Variants in ASTN1 observed in about 807,000 individuals in gnomAD.
ASTN1 encodes the protein astrotactin-1.
Under a neutral mutation model 140.7 loss-of-function variants are expected in ASTN1, and 41 were observed. The ratio of observed to expected loss-of-function variants is 0.29; its 90% CI spans 0.23 to 0.38. ASTN1 has a LOEUF of 0.38. Among genes scored for constraint, ASTN1 ranks in the 10% least tolerant of loss-of-function variants. The pLI, the probability that ASTN1 is intolerant of heterozygous loss-of-function variation, is 1.00. For synonymous variants in ASTN1, 640 were observed against 652.2 expected, an observed-to-expected ratio of 0.98 and a Z score of 0.29; for missense variants, 1,479 against 1,678.8, an observed-to-expected ratio of 0.88 and a Z score of 2.08.
At chr1:176,990,226 G>A (rs938607429) in intron 8 of ASTN1, among the ~76,000 whole-genome samples, 2 of 125,264 alleles carry the variant, frequency 1.6e-5, no homozygotes, top group Admixed American at 1.0e-4. Flanking sequence ...AGCAGTGAAA[G>A]CACAGCAGGG....
rs78925710 is a variant in ASTN1 at position 176,925,041 on chromosome 1, A to G, written c.2671+9111T>C. Among the ~76,000 whole-genome samples the G allele has an allele frequency of 5.8e-4, 88 of 152,336 alleles. No individual in the cohort carries two copies. In the East Asian group the frequency reaches 0.017, roughly 29 times the overall value. On this transcript the variant is annotated intron_variant, in intron 16 of 22. Transcript: ENST00000361833. ...ATTGCCTTTAATACTGATTTTTGGT[A>G]TGTTTCCAATTCCTTCCAGTGCCTG...
At chr1:177,151,663 CTTT>C (rs1474677735) in intron 1 of ASTN1, among the ~76,000 whole-genome samples, 1 of 152,142 alleles carries the variant, frequency 6.6e-6, no homozygotes, top group Non-Finnish European at 1.5e-5. Flanking sequence ...AGCTTTTCTT[CTTT>C]AAGTCACTTC....
chr1:176,974,208 T>C (rs1673265059), intron 8 of ASTN1, among the ~76,000 whole-genome samples: 1 of 152,168 alleles, frequency 6.6e-6, no homozygotes, highest in Non-Finnish European at 1.5e-5. Context: ...TGGCTCAATT[T>C]TCTCAACTAT....
At chr1:176,956,924 G>T (rs1023269145) in intron 11 of ASTN1, among the ~76,000 whole-genome samples, 5 of 152,100 alleles carry the variant, frequency 3.3e-5, no homozygotes, top group South Asian at 2.1e-4. Flanking sequence ...AAGAGACAGG[G>T]TCTCACTCTG....
intron 1 of ASTN1, among the ~76,000 whole-genome samples, chr1:177,082,433 C>A (rs1402474637): frequency 1.3e-5 from 2 of 152,180 alleles, no homozygotes; most frequent in Admixed American, 1.3e-4. Flanking sequence ...CCATGGCTCT[C>A]TTTTCTTTCT....
At position 177,115,604 on chromosome 1, in the gene ASTN1, C is replaced by T. The variant is rs190082476; in HGVS notation, c.283+48790G>A. 7.2e-4 allele frequency among the ~76,000 whole-genome samples: 109 copies of T among 151,106 alleles called. 1 individual carries two copies. Among genetic ancestry groups the T allele is most frequent in the African/African-American group, 2.1e-3 (88 of 41,086 alleles). The stretch of plus-strand genomic sequence containing the variant: ...CCCAGGAGGTGGAGGTTGCAGGGAG[C>T]GAAGATCATGCCACTGCACTCCAGC... On this transcript the variant is annotated intron_variant, in intron 1 of 22. Coordinates refer to ENST00000361833, the MANE Select transcript of ASTN1 (RefSeq NM_004319.3).
chr1:176,908,452 C>T (rs963365492), intron 16 of ASTN1, among the ~76,000 whole-genome samples: 11 of 152,172 alleles, frequency 7.2e-5, no homozygotes, highest in African/African-American at 2.7e-4. Flanking sequence ...CCCGTCATGT[C>T]TGAGTAAGCA....
chr1:177,031,625 T>C (rs898452558), intron 3 of ASTN1, among the ~76,000 whole-genome samples: 2 of 152,234 alleles, frequency 1.3e-5, no homozygotes, highest in African/African-American at 2.4e-5. Context: ...TAAAAACCTC[T>C]ATGTGATTCC....
chr1:176,917,754 AC>A (rs959416485), intron 16 of ASTN1, among the ~76,000 whole-genome samples: 3 of 152,032 alleles, frequency 2.0e-5, no homozygotes, highest in African/African-American at 7.3e-5. Context: ...CAGCATCCTC[AC>A]ATCTGGGACA....
At chr1:176,983,299 C>T (rs1673717273) in intron 8 of ASTN1, among the ~76,000 whole-genome samples, 1 of 152,144 alleles carries the variant, frequency 6.6e-6, no homozygotes, top group African/African-American at 2.4e-5. Flanking sequence ...CACACTGTCT[C>T]CAGCACTCCC....
rs550886255 is a variant in ASTN1, at chr1:176,905,529, C to T, written c.2672-10699G>A. 7.1e-4 allele frequency among the ~76,000 whole-genome samples: 108 copies of T among 152,250 alleles called. No individual in the cohort carries two copies. In the Middle Eastern group the frequency reaches 0.014, roughly 19 times the overall value. On this transcript the variant is annotated intron_variant, in intron 16 of 22. Coordinates refer to ENST00000361833, the MANE Select transcript of ASTN1 (RefSeq NM_004319.3). The stretch of plus-strand genomic sequence containing the variant: ...TTTGGATGTTAAATCCTCTTGCTGC[C>T]CTGACCAATTTATTCTGCAAATTAA...
intron 1 of ASTN1, among the ~76,000 whole-genome samples, chr1:177,083,132 T>G (rs1679261114): frequency 1.3e-5 from 2 of 152,204 alleles, no homozygotes; most frequent in African/African-American, 4.8e-5. Context: ...TTATTACATT[T>G]GTACCGAGAG....
chr1:177,096,828 C>T (rs1003162074), intron 1 of ASTN1, among the ~76,000 whole-genome samples: 14 of 152,234 alleles, frequency 9.2e-5, no homozygotes, highest in African/African-American at 3.4e-4. Context: ...ATTACCCAGC[C>T]TTGGGTATTT....
intron 14 of ASTN1, among the ~76,000 whole-genome samples, chr1:176,941,993 C>T (rs77646316): frequency 0.012 from 1,858 of 152,148 alleles, 46 homozygotes; most frequent in African/African-American, 0.041. Context: ...TGCATGTGCG[C>T]GTGTGCATGT....
At chr1:177,002,343 G>A (rs374243814) in intron 8 of ASTN1, among the ~76,000 whole-genome samples, 6 of 150,674 alleles carry the variant, frequency 4.0e-5, no homozygotes, top group South Asian at 2.1e-4. Context: ...ATGTACTACC[G>A]ACCCTTAAAT....
intron 8 of ASTN1, among the ~76,000 whole-genome samples, chr1:176,967,733 A>G (rs1672943700): frequency 6.6e-6 from 1 of 152,232 alleles, no homozygotes; most frequent in Non-Finnish European, 1.5e-5. Flanking sequence ...GAGCTTGGAC[A>G]TATTTATTAA....
chr1:177,089,238 G>C (rs1571766776), intron 1 of ASTN1, among the ~76,000 whole-genome samples: 1 of 152,172 alleles, frequency 6.6e-6, no homozygotes, highest in Admixed American at 6.5e-5. Flanking sequence ...GAGTCTTTCT[G>C]CTCAGCAAGG....
intron 1 of ASTN1, among the ~76,000 whole-genome samples, chr1:177,107,433 A>G (rs963030335): frequency 6.6e-6 from 1 of 152,218 alleles, no homozygotes; most frequent in African/African-American, 2.4e-5. Context: ...GCATAAACCT[A>G]GGAAGGATAG....
intron 1 of ASTN1, among the ~76,000 whole-genome samples, chr1:177,135,759 T>A (rs1160395676): frequency 3.3e-5 from 5 of 152,132 alleles, no homozygotes; most frequent in African/African-American, 1.2e-4. Flanking sequence ...TTAAAACACT[T>A]TCCAGCTTAA....
Sources: gnomAD v4.1 joint callset for allele counts (sites outside exome capture counted in the v4.1 genomes callset) on GRCh38, gnomAD v4.1.1 for gene constraint, MANE v1.5 for transcripts, NCBI Gene and HGNC (gene_info 2026-07-23, HGNC 2026-07-21) for gene names.